TOX: variants seen among roughly 807,000 people sequenced by gnomAD.
TOX encodes the protein thymocyte selection-associated high mobility group box protein TOX.
A neutral mutation model predicts 53.7 loss-of-function variants in TOX; 11 were observed. The ratio of observed to expected loss-of-function variants is 0.20; its 90% CI spans 0.13 to 0.34. The LOEUF is 0.34. Ranked by LOEUF, TOX falls within the 10% of genes least tolerant of loss-of-function variation. The pLI is 1.00. For synonymous variants in TOX, 225 were observed against 245.3 expected (o/e 0.92, Z 0.77); for missense variants, 570 against 664.6 (o/e 0.86, Z 1.56).
chr8:58,850,116 A>G (rs1026906886), intron 4 of TOX, among the ~76,000 whole-genome samples: 7 of 152,174 alleles, frequency 4.6e-5, no homozygotes, highest in African/African-American at 1.4e-4. Context: ...ACTCACTGAC[A>G]ACAGGGAGAG....
At chr8:59,015,559 C>A (rs191902068) in intron 1 of TOX, among the ~76,000 whole-genome samples, 176 of 152,272 alleles carry the variant, frequency 1.2e-3, no homozygotes, top group African/African-American at 4.0e-3. Context: ...GAACTGATTT[C>A]ATTTGCAATT....
chr8:59,067,275 C>T (rs934958714), intron 1 of TOX, among the ~76,000 whole-genome samples: 2 of 152,052 alleles, frequency 1.3e-5, no homozygotes, highest in African/African-American at 2.4e-5. Flanking sequence ...AATAACTGGC[C>T]GGCCGAGGGG....
chr8:58,830,069 A>G (rs1810427018), intron 5 of TOX, among the ~76,000 whole-genome samples: 1 of 152,186 alleles, frequency 6.6e-6, no homozygotes, highest in Admixed American at 6.6e-5. Context: ...GGAAAGACAA[A>G]TATTTTAAAG....
At chr8:58,866,322 C>T (rs1328569676) in intron 3 of TOX, among the ~76,000 whole-genome samples, 4 of 152,166 alleles carry the variant, frequency 2.6e-5, no homozygotes, top group Non-Finnish European at 5.9e-5. Flanking sequence ...TAACCTCCAA[C>T]AGGGTCAGAC....
At chr8:59,035,115 G>A (rs1814433340) in intron 1 of TOX, among the ~76,000 whole-genome samples, 1 of 152,162 alleles carries the variant, frequency 6.6e-6, no homozygotes, top group Non-Finnish European at 1.5e-5. Context: ...TTTATCTTGA[G>A]TGCCACTTTC....
intron 2 of TOX, among the ~76,000 whole-genome samples, chr8:58,954,984 C>T (rs1270499711): frequency 6.6e-6 from 1 of 152,178 alleles, no homozygotes; most frequent in Non-Finnish European, 1.5e-5. Flanking sequence ...CTATCAGCAA[C>T]AGGGGCCCAG....
At chr8:58,871,247 A>G (rs182683338) in intron 3 of TOX, among the ~76,000 whole-genome samples, 2 of 151,812 alleles carry the variant, frequency 1.3e-5, no homozygotes, top group East Asian at 3.9e-4. Context: ...GTTGCCATGC[A>G]TCAGGAAGGG....
At chr8:59,085,741 A>G (rs570067045) in intron 1 of TOX, among the ~76,000 whole-genome samples, 2 of 152,294 alleles carry the variant, frequency 1.3e-5, no homozygotes, top group African/African-American at 4.8e-5. Flanking sequence ...ATACTGGAGG[A>G]AGACAGCAGG....
chr8:58,929,637 T>C (rs1812226798), intron 3 of TOX, among the ~76,000 whole-genome samples: 1 of 152,288 alleles, frequency 6.6e-6, no homozygotes, highest in Non-Finnish European at 1.5e-5. Flanking sequence ...TTTAGATGAA[T>C]TCTCCTATGA....
intron 1 of TOX, among the ~76,000 whole-genome samples, chr8:59,025,249 C>T (rs192823116): frequency 9.9e-5 from 15 of 152,188 alleles, no homozygotes; most frequent in South Asian, 2.1e-4. Flanking sequence ...TGCTATTTCT[C>T]GAGTGGGACT....
At chr8:58,884,295 T>A (rs1811433503) in intron 3 of TOX, among the ~76,000 whole-genome samples, 1 of 152,158 alleles carries the variant, frequency 6.6e-6, no homozygotes, top group Non-Finnish European at 1.5e-5. Context: ...TACATATGCA[T>A]TGATTTTTCC....
At chr8:58,871,961 T>C (rs1811205977) in intron 3 of TOX, among the ~76,000 whole-genome samples, 2 of 152,262 alleles carry the variant, frequency 1.3e-5, no homozygotes, top group South Asian at 4.1e-4. Flanking sequence ...TACCTAGCCA[T>C]CTTAGTTTCT....
chr8:59,093,271 C>G (rs761096999), intron 1 of TOX, among the ~76,000 whole-genome samples: 1 of 152,186 alleles, frequency 6.6e-6, no homozygotes, highest in South Asian at 2.1e-4. Context: ...CTCTCCATAA[C>G]AGCATCCACT....
At chr8:58,844,316 G>T (rs1810687768) in intron 4 of TOX, among the ~76,000 whole-genome samples, 1 of 152,146 alleles carries the variant, frequency 6.6e-6, no homozygotes. Context: ...AATTTAAATG[G>T]AAGCAGTCAC....
At chr8:58,882,796 T>C (rs1279547564) in intron 3 of TOX, among the ~76,000 whole-genome samples, 2 of 152,196 alleles carry the variant, frequency 1.3e-5, no homozygotes, top group African/African-American at 4.8e-5. Flanking sequence ...TTGTAGGACA[T>C]ATGAGTGCAT....
At chr8:58,817,787 T>C (rs1016247659) in intron 6 of TOX, among the ~76,000 whole-genome samples, 3 of 152,190 alleles carry the variant, frequency 2.0e-5, no homozygotes, top group Non-Finnish European at 4.4e-5. Context: ...ATAGGTGTTG[T>C]TTTTAATTTA....
rs978304423 is a variant in TOX at position 58,894,810 on chromosome 8, C to T, written c.412-43005G>A. On this transcript the variant is annotated intron_variant, in intron 3 of 8. Transcript: ENST00000361421. The stretch of plus-strand genomic sequence containing the variant: ...ACTCGGGAGGCTGAGGCAGAAGAAT[C>T]GCTTGAACCCAGGAGGTGGAGGTTG... 2.3e-4 allele frequency among the ~76,000 whole-genome samples: 35 copies of T among 152,106 alleles called. 1 individual carries two copies. The highest frequency in any genetic ancestry group is 2.2e-3 in the Admixed American group (33 of 15,270).
chr8:59,087,737 C>T lies in TOX; in HGVS notation c.102+31149G>A, dbSNP rs143163842. Among the ~76,000 whole-genome samples, 38 of 152,174 alleles carry T rather than the reference C, an allele frequency of 2.5e-4. 1 individual carries two copies. In the East Asian group the frequency reaches 6.8e-3, roughly 27 times the overall value. ...ACCTTGAGCTTATAAAACTGGAAAC[C>T]CACCCCCCTTTCCTCTCTGCATGCA... On this transcript the variant is annotated intron_variant, in intron 1 of 8. Coordinates refer to ENST00000361421, the MANE Select transcript of TOX (RefSeq NM_014729.3).
chr8:58,813,507 A>G (rs968738059), intron 7 of TOX, among the ~76,000 whole-genome samples: 1 of 152,222 alleles, frequency 6.6e-6, no homozygotes, highest in East Asian at 1.9e-4. Context: ...TTAATTCTTC[A>G]TACAAACACT....
Sources: allele counts gnomAD v4.1 joint callset (sites outside exome capture counted in the v4.1 genomes callset), GRCh38; gene constraint gnomAD v4.1.1; transcripts MANE v1.5; gene names NCBI Gene and HGNC (gene_info 2026-07-23, HGNC 2026-07-21).